Variants in FBXW8 observed in about 807,000 individuals in gnomAD.
FBXW8 encodes the protein F-box and WD repeat domain containing 8, also known as F-box/WD repeat-containing protein 8.
A neutral mutation model predicts 65.3 loss-of-function variants in FBXW8; 57 were observed. That is an observed-to-expected ratio of 0.87 (90% CI 0.71 to 1.09). The LOEUF is 1.09. Among genes scored for constraint, FBXW8 ranks in the 50% least tolerant of loss-of-function variants. FBXW8 has a pLI of 0.00. For synonymous variants in FBXW8, 308 were observed against 330.2 expected (o/e 0.93, Z 0.73); for missense variants, 777 against 814.8 (o/e 0.95, Z 0.57).
chr12:116,962,293 G>A (rs1256855303), intron 4 of FBXW8, among the ~76,000 whole-genome samples: 1 of 152,198 alleles, frequency 6.6e-6, no homozygotes. Context: ...TCTGAGTAAG[G>A]AGCGGGCTCA....
At position 117,010,716 on chromosome 12, in the gene FBXW8, AGGG is replaced by A. The variant is rs1458231747; in HGVS notation, c.1367+267_1367+269del. ...GGTGGCCGCAGTTGGTAGAAGGTCC[AGGG>A]AGACCACTTGGAATATCTTTTGTCC... On this transcript the variant is annotated intron_variant, in intron 8 of 10. Coordinates refer to ENST00000652555, the MANE Select transcript of FBXW8 (RefSeq NM_153348.3). 5.9e-5 allele frequency among the ~76,000 whole-genome samples: 9 copies of A among 152,370 alleles called. No homozygotes were observed. In the East Asian group the frequency reaches 1.5e-3, roughly 26 times the overall value.
At chr12:117,008,989 C>T (rs942432649) in intron 7 of FBXW8, among the ~76,000 whole-genome samples, 2 of 152,162 alleles carry the variant, frequency 1.3e-5, no homozygotes, top group African/African-American at 2.4e-5. Flanking sequence ...ATCGCTTGAA[C>T]CCGGGAGGCG....
At chr12:117,010,874 CGGT>C (rs1304436735) in intron 8 of FBXW8, among the ~76,000 whole-genome samples, 2 of 152,192 alleles carry the variant, frequency 1.3e-5, no homozygotes, top group Non-Finnish European at 2.9e-5. Context: ...TTTCAGAACA[CGGT>C]GGTGTCCCTC....
intron 7 of FBXW8, among the ~76,000 whole-genome samples, chr12:117,002,266 G>A (rs1468564270): frequency 1.3e-5 from 2 of 152,352 alleles, no homozygotes; most frequent in South Asian, 2.1e-4. Context: ...CCTACCCAGC[G>A]CCTGGCGACG....
intron 1 of FBXW8, among the ~76,000 whole-genome samples, chr12:116,912,685 G>T (rs954395545): frequency 2.6e-5 from 4 of 151,828 alleles, no homozygotes; most frequent in South Asian, 2.1e-4. Context: ...GGATGGTCTC[G>T]ATCTCCTGAC....
chr12:116,994,406 G>T (rs558265497), intron 7 of FBXW8, among the ~76,000 whole-genome samples: 6 of 152,304 alleles, frequency 3.9e-5, no homozygotes, highest in African/African-American at 1.4e-4. Context: ...TTTTGACTGG[G>T]TAATGCATTC....
At chr12:116,967,852 C>T (rs1384991562) in intron 5 of FBXW8, among the ~76,000 whole-genome samples, 1 of 152,120 alleles carries the variant, frequency 6.6e-6, no homozygotes, top group African/African-American at 2.4e-5. Context: ...CTACAACCTC[C>T]GTCTCCTGGG....
At chr12:116,971,393 G>T (rs1160196687) in intron 5 of FBXW8, among the ~76,000 whole-genome samples, 1 of 151,904 alleles carries the variant, frequency 6.6e-6, no homozygotes, top group Non-Finnish European at 1.5e-5. Context: ...GAACTGAGGG[G>T]GTTTTGGTGT....
Position 116,936,458 on chromosome 12 carries a change from T to G in FBXW8, c.423+8331T>G, listed in dbSNP as rs1882168079. ...GTTAAGGATCTAGAGATGGGGTGATTATCTTGGATTATACAGGTGGGTCCA... is the reference window on the plus strand; with the variant it reads ...GTTAAGGATCTAGAGATGGGGTGATGATCTTGGATTATACAGGTGGGTCCA... On this transcript the variant is annotated intron_variant, in intron 2 of 10. Coordinates refer to ENST00000652555, the MANE Select transcript of FBXW8 (RefSeq NM_153348.3). The surrounding 1 kb of genome is among the most constrained non-coding windows in gnomAD (Gnocchi z 4.6). 6.6e-6 allele frequency among the ~76,000 whole-genome samples: 1 copy of G among 152,118 alleles called. No homozygotes were observed. The highest frequency in any genetic ancestry group is 1.5e-5 in the Non-Finnish European group (1 of 68,024).
At chr12:117,016,473 ATTATTGAG>A (rs1174014053) in intron 8 of FBXW8, among the ~76,000 whole-genome samples, 1 of 150,256 alleles carries the variant, frequency 6.7e-6, no homozygotes, top group Non-Finnish European at 1.5e-5. Context: ...CTGTCTTTAT[ATTATTGAG>A]TTATTAGAGT....
At chr12:117,014,513 G>A (rs951114920) in intron 8 of FBXW8, among the ~76,000 whole-genome samples, 9 of 152,180 alleles carry the variant, frequency 5.9e-5, no homozygotes, top group Non-Finnish European at 1.3e-4. Flanking sequence ...ATTTTGAATT[G>A]TGTTCTGGAC....
At chr12:116,995,202 A>G (rs962309350) in intron 7 of FBXW8, among the ~76,000 whole-genome samples, 6 of 152,192 alleles carry the variant, frequency 3.9e-5, no homozygotes, top group Non-Finnish European at 5.9e-5. Flanking sequence ...GGCAAGAAAG[A>G]TCGGCAGCGT....
At chr12:116,953,455 T>C (rs1156829699) in intron 4 of FBXW8, among the ~76,000 whole-genome samples, 1 of 152,202 alleles carries the variant, frequency 6.6e-6, no homozygotes, top group Non-Finnish European at 1.5e-5. Context: ...GGTTTTTCTT[T>C]TGTGGCATGT....
intron 1 of FBXW8, among the ~76,000 whole-genome samples, chr12:116,923,940 C>G (rs1881116439): frequency 6.6e-6 from 1 of 152,156 alleles, no homozygotes; most frequent in South Asian, 2.1e-4. Flanking sequence ...ATCTCCATCT[C>G]CTGACCTCGT....
chr12:117,004,009 C>T (rs1953611627), intron 7 of FBXW8, among the ~76,000 whole-genome samples: 1 of 152,154 alleles, frequency 6.6e-6, no homozygotes, highest in Non-Finnish European at 1.5e-5. Context: ...AAATGTATCG[C>T]GATGCTCTGC....
intron 7 of FBXW8, among the ~76,000 whole-genome samples, chr12:117,004,713 G>A (rs1478640493): frequency 6.6e-6 from 1 of 152,074 alleles, no homozygotes; most frequent in Non-Finnish European, 1.5e-5. Context: ...CTGAATGTAT[G>A]TAGCCCTGCA....
Position 117,028,092 on chromosome 12 carries a change from C to A in FBXW8, c.1717C>A (p.Pro573Thr). 6.2e-7 allele frequency: 1 copy of A among 1,614,186 alleles called. No individual in the cohort carries two copies. Among genetic ancestry groups the A allele is most frequent in the Non-Finnish European group, 8.5e-7 (1 of 1,180,032 alleles). ...CCAGCTGGCCTTCCAGAGCCCTCTCCCTGTCTGCCGTTCATCCTGTGACGC... is the reference window on the plus strand; with the variant it reads ...CCAGCTGGCCTTCCAGAGCCCTCTCACTGTCTGCCGTTCATCCTGTGACGC... ...VDQLAFQSPL[P>T]VCRSSCDAMA... Residue 573 changes from proline to threonine, a missense_variant, in exon 11 of 11, where the codon CCT (proline) becomes ACT (threonine). Physicochemically the swap from Pro to Thr is conservative, Grantham distance 38 (BLOSUM62 -1). Transcript: ENST00000652555. This position sits in a 1 kb window ranked among gnomAD's most constrained non-coding sequence, Gnocchi z 4.1.
intron 1 of FBXW8, among the ~76,000 whole-genome samples, chr12:116,926,315 AT>A (rs1416209408): frequency 6.6e-6 from 1 of 152,132 alleles, no homozygotes. Context: ...GATAAGGAAC[AT>A]TTTTCTCTTG....
At chr12:116,934,546 A>T (rs1882020773) in intron 2 of FBXW8, among the ~76,000 whole-genome samples, 1 of 152,194 alleles carries the variant, frequency 6.6e-6, no homozygotes, top group African/African-American at 2.4e-5. Flanking sequence ...TTAGGAGAAA[A>T]GTAAGTCTGC....
Sources: allele counts gnomAD v4.1 joint callset (sites outside exome capture counted in the v4.1 genomes callset), GRCh38; gene constraint gnomAD v4.1.1; non-coding constraint Gnocchi (gnomAD v3.1); transcripts MANE v1.5; gene names NCBI Gene and HGNC (gene_info 2026-07-23, HGNC 2026-07-21).